Variants in RHOU observed in about 807,000 individuals in gnomAD.
RHOU encodes ras homolog family member U.
A neutral mutation model predicts 12.6 loss-of-function variants in RHOU; 8 were observed. The ratio of observed to expected loss-of-function variants is 0.64; its 90% CI spans 0.37 to 1.15. RHOU has a LOEUF of 1.15. Ranked by LOEUF, RHOU falls within the 50% of genes most tolerant of loss-of-function variation. The probability of loss-of-function intolerance (pLI) is 0.01; values close to 1 mark genes in which losing one functional copy is unlikely to be tolerated. For synonymous variants in RHOU, 161 were observed against 147.4 expected (o/e 1.09, Z -0.67); for missense variants, 258 against 347.0 (o/e 0.74, Z 2.04).
At position 228,743,103 on chromosome 1, in the gene RHOU, C is replaced by T. The variant is rs746121341; in HGVS notation, c.322-182C>T. On this transcript the variant is annotated intron_variant, in intron 2 of 2. Coordinates refer to ENST00000366691, the MANE Select transcript of RHOU (RefSeq NM_021205.6). This position sits in a 1 kb window ranked among gnomAD's most constrained non-coding sequence, Gnocchi z 5.1. The stretch of plus-strand genomic sequence containing the variant: ...TGAAAGCAGATGGCTGCCACACCTT[C>T]GCTGGTGCACTGGCCCCGCTTGGGT... 2.6e-5 allele frequency among the ~76,000 whole-genome samples: 4 copies of T among 152,186 alleles called. No individual in the cohort carries two copies. The highest frequency in any genetic ancestry group is 5.9e-5 in the Non-Finnish European group (4 of 68,036).
the RHOU span, among the ~76,000 whole-genome samples, chr1:228,716,106 AGG>A: frequency 2.0e-5 from 3 of 152,044 alleles, no homozygotes; most frequent in East Asian, 5.8e-4. Context: ...TTGTAAATAT[AGG>A]GGCCTTGCTT....
At chr1:228,647,013 C>T in the RHOU span, among the ~76,000 whole-genome samples, 1 of 144,856 alleles carries the variant, frequency 6.9e-6, no homozygotes, top group Non-Finnish European at 1.5e-5. Context: ...AACGCGAGGT[C>T]CAGGGGGAAA....
In RHOU at chr1:228,743,045, C is replaced by T; in HGVS notation, c.322-240C>T. ...CTTGAGTGTCGATGAACACGTTGAA[C>T]ATGTTTGGCAGTGTTCAGACCATAG... is the stretch of plus-strand genomic sequence containing the variant. On this transcript the variant is annotated intron_variant, in intron 2 of 2. Transcript: ENST00000366691. This position sits in a 1 kb window ranked among gnomAD's most constrained non-coding sequence, Gnocchi z 5.1. Among the ~76,000 whole-genome samples the T allele has an allele frequency of 6.6e-6, 1 of 152,178 alleles. No individual in the cohort carries two copies. The highest frequency in any genetic ancestry group is 1.9e-4 in the East Asian group (1 of 5,196).
chr1:228,657,806 G>A, the RHOU span, among the ~76,000 whole-genome samples: 3 of 152,140 alleles, frequency 2.0e-5, no homozygotes, highest in Non-Finnish European at 2.9e-5. Context: ...AATTTTAAAA[G>A]ATAGATAGCA....
chr1:228,743,786 T>C lies in RHOU; in HGVS notation c.*46T>C, dbSNP rs1284571993. On this transcript the variant is annotated 3_prime_UTR_variant, in exon 3 of 3. Coordinates refer to ENST00000366691, the MANE Select transcript of RHOU (RefSeq NM_021205.6). The surrounding 1 kb of genome is among the most constrained non-coding windows in gnomAD (Gnocchi z 5.1). ...AGGCTATTTTCAGATGAAATCGATA[T>C]TAGAAGCTATATTAGCTGAAACAAC... The C allele has an allele frequency of 3.3e-6, 5 of 1,528,774 alleles. No homozygotes were observed. Among genetic ancestry groups the C allele is most frequent in the Non-Finnish European group, 4.5e-6 (5 of 1,121,542 alleles). 94.7% of individuals were successfully genotyped at this position (1,528,774 alleles called of 1,614,324 possible).
chr1:228,647,175 G>T, the RHOU span, among the ~76,000 whole-genome samples: 1 of 152,220 alleles, frequency 6.6e-6, no homozygotes, highest in Non-Finnish European at 1.5e-5. Context: ...CAGGCGGCCC[G>T]TGCGAGAGGA....
chr1:228,663,773 C>T, the RHOU span, among the ~76,000 whole-genome samples: 1 of 150,742 alleles, frequency 6.6e-6, no homozygotes, highest in East Asian at 2.0e-4. Flanking sequence ...GCTGGGATTA[C>T]GCGCGCGCGA....
chr1:228,733,604 C>A (rs1407096704), upstream of RHOU, among the ~76,000 whole-genome samples: 1 of 152,208 alleles, frequency 6.6e-6, no homozygotes, highest in Non-Finnish European at 1.5e-5. Context: ...ACCGCACCAG[C>A]CGATATTAGG....
At chr1:228,734,343 C>T (rs1662549596), upstream of RHOU, among the ~76,000 whole-genome samples, 1 of 152,088 alleles carries the variant, frequency 6.6e-6, no homozygotes, top group Non-Finnish European at 1.5e-5. Context: ...CATGGCCATA[C>T]GTTCAAGATT....
chr1:228,686,600 A>T, the RHOU span, among the ~76,000 whole-genome samples: 4 of 152,216 alleles, frequency 2.6e-5, no homozygotes, highest in African/African-American at 9.7e-5. Context: ...GCCCTCTTTT[A>T]GTATTGGGTC....
At chr1:228,690,564 C>T in the RHOU span, among the ~76,000 whole-genome samples, 5 of 151,222 alleles carry the variant, frequency 3.3e-5, no homozygotes, top group East Asian at 2.0e-4. Flanking sequence ...TCAGCTGATC[C>T]GCCCGCCTTG....
the RHOU span, among the ~76,000 whole-genome samples, chr1:228,663,311 T>G: frequency 3.9e-5 from 6 of 152,192 alleles, no homozygotes; most frequent in Non-Finnish European, 8.8e-5. Flanking sequence ...ACTAGCACAC[T>G]ACAGTGTTTC....
chr1:228,733,545 G>T (rs1022423912), upstream of RHOU, among the ~76,000 whole-genome samples: 1 of 152,136 alleles, frequency 6.6e-6, no homozygotes, highest in Non-Finnish European at 1.5e-5. Context: ...GGCCTCAACC[G>T]GTCTGACTGC....
At chr1:228,647,032 A>T in the RHOU span, among the ~76,000 whole-genome samples, 2 of 151,958 alleles carry the variant, frequency 1.3e-5, no homozygotes, top group Admixed American at 6.5e-5. Context: ...AACCCAGAAG[A>T]GTGAGGAGGA....
chr1:228,743,820 C>A lies in RHOU; in HGVS notation c.*80C>A. 8.4e-7 allele frequency: 1 copy of A among 1,193,982 alleles called. No homozygotes were observed. The highest frequency in any genetic ancestry group is 1.2e-6 in the Non-Finnish European group (1 of 841,486). The allele number at this position is 1,193,982 out of a possible 1,614,324, so 74.0% of individuals were successfully genotyped here. A position where few individuals can be genotyped will look rare whatever the true frequency, so the allele number is the denominator to read the frequency against. On this transcript the variant is annotated 3_prime_UTR_variant, in exon 3 of 3. Coordinates refer to ENST00000366691, the MANE Select transcript of RHOU (RefSeq NM_021205.6). This position sits in a 1 kb window ranked among gnomAD's most constrained non-coding sequence, Gnocchi z 5.1. The stretch of plus-strand genomic sequence containing the variant: ...ATATTAGCTGAAACAACTCCTTTTA[C>A]TGCGTAGAACCTATATCGAGAGTGT...
chr1:228,679,768 A>G, the RHOU span, among the ~76,000 whole-genome samples: 1 of 151,846 alleles, frequency 6.6e-6, no homozygotes, highest in South Asian at 2.1e-4. Flanking sequence ...ATGGGATGGT[A>G]AGGGGTGCAT....
chr1:228,744,047 A>C lies in RHOU; in HGVS notation c.*307A>C. ...TATGAAGAAGACACCTCTAATCTGG[A>C]TGTTAAGAATGAAGTTCTGCTACAT... On this transcript the variant is annotated 3_prime_UTR_variant, in exon 3 of 3. Coordinates refer to ENST00000366691, the MANE Select transcript of RHOU (RefSeq NM_021205.6). The C allele has an allele frequency of 3.6e-6, 1 of 280,720 alleles. No homozygotes were observed. The highest frequency in any genetic ancestry group is 6.7e-6 in the Non-Finnish European group (1 of 149,124). 17.4% of individuals were successfully genotyped at this position (280,720 alleles called of 1,614,324 possible).
chr1:228,742,734 A>C (rs4391638), intron 2 of RHOU, among the ~76,000 whole-genome samples: 23,588 of 152,192 alleles, frequency 0.15, 2,089 homozygotes, highest in South Asian at 0.22. Context: ...TGCTGTGCAT[A>C]GTGTGGGCAG....
the RHOU span, among the ~76,000 whole-genome samples, chr1:228,678,829 C>A: frequency 6.6e-6 from 1 of 151,928 alleles, no homozygotes; most frequent in Non-Finnish European, 1.5e-5. Flanking sequence ...GTGAGTTGAG[C>A]ATAGTTTGTG....
Sources: allele counts gnomAD v4.1 joint callset (sites outside exome capture counted in the v4.1 genomes callset), GRCh38; gene constraint gnomAD v4.1.1; non-coding constraint Gnocchi (gnomAD v3.1); transcripts MANE v1.5; gene names NCBI Gene and HGNC (gene_info 2026-07-23, HGNC 2026-07-21).